Variants in TTL observed in about 807,000 individuals in gnomAD.
The protein encoded by TTL is tubulin--tyrosine ligase.
A neutral mutation model predicts 41.1 loss-of-function variants in TTL; 10 were observed. The ratio of observed to expected loss-of-function variants is 0.24; its 90% CI spans 0.15 to 0.41. TTL has a LOEUF of 0.41. TTL is among the 10% of genes least tolerant of loss of function. TTL has a pLI of 1.00. For synonymous variants in TTL, 175 were observed against 175.5 expected, an observed-to-expected ratio of 1.00 and a Z score of 0.02; for missense variants, 367 against 460.4, an observed-to-expected ratio of 0.80 and a Z score of 1.86.
Position 112,528,726 on chromosome 2 carries a change from T to A in TTL, c.1065T>A (p.Ile355=). ...ELCQGIVDIA[I]SSVFPPPDVE... is the part of the protein sequence containing the mutation. ...GCCAAGGCATCGTGGACATAGCCAT[T>A]TCCAGTGTCTTCCCACCCCCAGATG... Residue 355 remains isoleucine, a synonymous_variant, in exon 7 of 7, where the codon ATT becomes ATA. Transcript: ENST00000233336. The A allele has an allele frequency of 1.2e-6, 2 of 1,614,160 alleles. No individual in the cohort carries two copies. Among genetic ancestry groups the A allele is most frequent in the Non-Finnish European group, 1.7e-6 (2 of 1,180,034 alleles).
At chr2:112,503,593 T>C (rs2104460182) in intron 5 of TTL, among the ~76,000 whole-genome samples, 1 of 149,046 alleles carries the variant, frequency 6.7e-6, no homozygotes, top group East Asian at 2.0e-4. Context: ...GCCACCACGC[T>C]GGGCTAATTT....
At chr2:112,523,832 A>G (rs1465446727) in intron 6 of TTL, among the ~76,000 whole-genome samples, 1 of 151,852 alleles carries the variant, frequency 6.6e-6, no homozygotes, top group Non-Finnish European at 1.5e-5. Flanking sequence ...TCTAGGGTAC[A>G]TGTGCACAAT....
In TTL at chr2:112,541,431, T is replaced by C. The variant is rs372861725; in HGVS notation, c.*12636T>C. On this transcript the variant is annotated 3_prime_UTR_variant, in exon 7 of 7. Transcript: ENST00000233336. The stretch of plus-strand genomic sequence containing the variant: ...TAGGGAGGCAAGGCGAGAGGATCAC[T>C]AGAGGCCGGAAGTTCAAGACCAGCC... 681 of 152,282 alleles carry C rather than the reference T, an allele frequency of 4.5e-3. 7 individuals are homozygous for C. Among genetic ancestry groups the C allele is most frequent in the Middle Eastern group, 0.01 (3 of 296 alleles). The allele number at this position is 152,282 out of a possible 1,614,324, so 9.4% of individuals were successfully genotyped here.
chr2:112,518,488 T>G (rs1390856469), intron 5 of TTL, among the ~76,000 whole-genome samples: 1 of 151,964 alleles, frequency 6.6e-6, no homozygotes, highest in Non-Finnish European at 1.5e-5. Context: ...TTAAAATATT[T>G]TTCTTTTTAG....
intron 3 of TTL, among the ~76,000 whole-genome samples, chr2:112,498,355 C>G (rs560010954): frequency 6.6e-6 from 1 of 152,066 alleles, no homozygotes; most frequent in Non-Finnish European, 1.5e-5. Context: ...GTACTACTTA[C>G]AGTCACCCTA....
In TTL at chr2:112,539,084, T is replaced by C. The variant is rs1489216607; in HGVS notation, c.*10289T>C. 3 of 128,550 alleles carry C rather than the reference T, an allele frequency of 2.3e-5. No homozygotes were observed. Among genetic ancestry groups the C allele is most frequent in the South Asian group, 4.8e-4 (2 of 4,154 alleles). The allele number at this position is 128,550 out of a possible 1,614,324, so 8.0% of individuals were successfully genotyped here. ...GTGAGCCGAGATTGCGCCACTGCACTCCAGCCTGGGTGACAGAGACTCTGT... is the reference window on the plus strand; with the variant it reads ...GTGAGCCGAGATTGCGCCACTGCACCCCAGCCTGGGTGACAGAGACTCTGT... On this transcript the variant is annotated 3_prime_UTR_variant, in exon 7 of 7. Coordinates refer to ENST00000233336, the MANE Select transcript of TTL (RefSeq NM_153712.5).
chr2:112,522,763 G>T (rs1682275126), intron 6 of TTL, among the ~76,000 whole-genome samples: 1 of 152,008 alleles, frequency 6.6e-6, no homozygotes, highest in South Asian at 2.1e-4. Flanking sequence ...TCCTGCCTCT[G>T]CCTTCCCTTC....
At chr2:112,496,033 C>T (rs1681515237) in intron 3 of TTL, among the ~76,000 whole-genome samples, 3 of 152,190 alleles carry the variant, frequency 2.0e-5, no homozygotes, top group Admixed American at 2.0e-4. Flanking sequence ...AGTCAGGTAT[C>T]TCACCTACTT....
intron 6 of TTL, among the ~76,000 whole-genome samples, chr2:112,526,290 T>C (rs1367950725): frequency 6.6e-6 from 1 of 152,364 alleles, no homozygotes; most frequent in Non-Finnish European, 1.5e-5. Flanking sequence ...GTCAGGATGA[T>C]GCTGGCCTCA....
chr2:112,524,908 G>GT (rs1682333415), intron 6 of TTL, among the ~76,000 whole-genome samples: 1 of 152,140 alleles, frequency 6.6e-6, no homozygotes, highest in Non-Finnish European at 1.5e-5. Context: ...TTCTTCTAGG[G>GT]TTTTTATGGT....
intron 1 of TTL, 54 bp from the exon 2 acceptor site, chr2:112,485,863 C>G: frequency 6.8e-7 from 1 of 1,464,104 alleles, no homozygotes; most frequent in South Asian, 1.2e-5. Flanking sequence ...CAGCTGTCCT[C>G]TCTCCTGCTT....
intron 5 of TTL, among the ~76,000 whole-genome samples, chr2:112,516,739 C>G (rs551869206): frequency 6.6e-6 from 1 of 152,218 alleles, no homozygotes; most frequent in South Asian, 2.1e-4. Flanking sequence ...CCATTCTGTC[C>G]CATTGTTCTA....
intron 5 of TTL, among the ~76,000 whole-genome samples, chr2:112,503,497 G>A (rs1392254436): frequency 1.1e-4 from 16 of 149,102 alleles, no homozygotes; most frequent in Non-Finnish European, 2.2e-4. Flanking sequence ...GCAATGGTGC[G>A]ATCTCGGCTC....
chr2:112,514,820 T>C (rs1458843656), intron 5 of TTL, among the ~76,000 whole-genome samples: 1 of 152,230 alleles, frequency 6.6e-6, no homozygotes, highest in Non-Finnish European at 1.5e-5. Context: ...CCTCTTCTTC[T>C]AGGTCTCTAA....
At chr2:112,503,523 T>G (rs1681757126) in intron 5 of TTL, among the ~76,000 whole-genome samples, 1 of 150,180 alleles carries the variant, frequency 6.7e-6, no homozygotes, top group African/African-American at 2.4e-5. Context: ...AACCTCTACC[T>G]CCTGGGTTCA....
At chr2:112,519,556 T>G (rs73955226) in intron 5 of TTL, among the ~76,000 whole-genome samples, 2 of 149,162 alleles carry the variant, frequency 1.3e-5, no homozygotes, top group South Asian at 2.1e-4. Flanking sequence ...ACATGTTTTT[T>G]TTTTTTTTTT....
chr2:112,482,565 G>C lies in TTL; in HGVS notation c.157+64G>C, dbSNP rs1204643596. ...CGGCCCTGCGCGCCTCCCGCGGCCC[G>C]TTAGAACCGGCGCTTTTGTTTTTAA... On this transcript the variant is annotated intron_variant, in intron 1 of 6. Transcript: ENST00000233336. This position sits in a 1 kb window ranked among gnomAD's most constrained non-coding sequence, Gnocchi z 5.3. 2 of 1,486,182 alleles carry C rather than the reference G, an allele frequency of 1.3e-6. No homozygotes were observed. The highest frequency in any genetic ancestry group is 2.9e-5 in the African/African-American group (2 of 69,550). 92.1% of individuals were successfully genotyped at this position (1,486,182 alleles called of 1,614,324 possible).
chr2:112,499,799 A>G (rs1681642154), intron 3 of TTL, among the ~76,000 whole-genome samples: 1 of 152,240 alleles, frequency 6.6e-6, no homozygotes, highest in African/African-American at 2.4e-5. Context: ...CAATCCAATT[A>G]GAAAAAGAGC....
intron 3 of TTL, among the ~76,000 whole-genome samples, chr2:112,497,419 C>G (rs1057236309): frequency 2.0e-5 from 3 of 152,004 alleles, no homozygotes; most frequent in South Asian, 2.1e-4. Flanking sequence ...TCTGTGTTAT[C>G]CTCTTGCTTT....
Sources: allele counts gnomAD v4.1 joint callset (sites outside exome capture counted in the v4.1 genomes callset), GRCh38; gene constraint gnomAD v4.1.1; non-coding constraint Gnocchi (gnomAD v3.1); transcripts MANE v1.5; gene names NCBI Gene and HGNC (gene_info 2026-07-23, HGNC 2026-07-21).